Variants in CSMD1 observed in about 807,000 individuals in gnomAD.
CSMD1 encodes the protein CUB and sushi domain-containing protein 1.
In CSMD1, 213 loss-of-function variants were observed where a neutral mutation model predicts 417.5. The ratio of observed to expected loss-of-function variants is 0.51; its 90% confidence interval spans 0.46 to 0.57. The LOEUF (loss-of-function observed/expected upper bound fraction) is 0.57. CSMD1 is among the 20% of genes least tolerant of loss of function. The probability of loss-of-function intolerance (pLI) is 0.00; values close to 1 mark genes in which losing one functional copy is unlikely to be tolerated. For synonymous variants in CSMD1, 2,862 were observed against 1,736.8 expected, an observed-to-expected ratio of 1.65 and a Z score of -16.11; for missense variants, 6,923 against 4,529.7, an observed-to-expected ratio of 1.53 and a Z score of -15.17.
intron 3 of CSMD1, among the ~76,000 whole-genome samples, chr8:4,303,758 C>T (rs554758546): frequency 9.1e-4 from 138 of 152,100 alleles, no homozygotes; most frequent in Middle Eastern, 3.4e-3. Context: ...TGGTTTCAAG[C>T]GATTCTCCTG....
intron 25 of CSMD1, among the ~76,000 whole-genome samples, chr8:3,300,958 CAAA>C (rs374180480): frequency 1.4e-3 from 71 of 50,594 alleles, no homozygotes; most frequent in African/African-American, 4.5e-3. Context: ...GACTCTGTCT[CAAA>C]AAAAAAAAAA....
chr8:3,815,428 T>C (rs1190373294), intron 5 of CSMD1, among the ~76,000 whole-genome samples: 3 of 152,200 alleles, frequency 2.0e-5, no homozygotes, highest in Non-Finnish European at 4.4e-5. Context: ...ATTGATAGTA[T>C]AATACACTGA....
chr8:3,847,530 G>A (rs562233656), intron 5 of CSMD1, among the ~76,000 whole-genome samples: 1 of 152,204 alleles, frequency 6.6e-6, no homozygotes, highest in Admixed American at 6.5e-5. Context: ...TCCAGCCTAA[G>A]GTGAGATCAC....
At chr8:3,924,822 T>C (rs1809526926) in intron 5 of CSMD1, among the ~76,000 whole-genome samples, 1 of 152,206 alleles carries the variant, frequency 6.6e-6, no homozygotes, top group Non-Finnish European at 1.5e-5. Flanking sequence ...GAAGTTAAGA[T>C]GATAATTTTA....
chr8:3,505,304 G>C (rs563513488), intron 10 of CSMD1, among the ~76,000 whole-genome samples: 5 of 152,166 alleles, frequency 3.3e-5, no homozygotes, highest in Admixed American at 1.3e-4. Context: ...AAGATGTGTG[G>C]AGTGACCGCT....
chr8:3,068,379 G>C (rs562927941), intron 49 of CSMD1, among the ~76,000 whole-genome samples: 52 of 152,054 alleles, frequency 3.4e-4, no homozygotes, highest in African/African-American at 1.3e-3. Flanking sequence ...CAAGACTCAG[G>C]ACTTCTAACA....
In CSMD1 at chr8:2,937,437, C is replaced by CAAAAAAAAAAAA. The variant is rs78432209; in HGVS notation, c.*1136_*1147dup. On this transcript the variant is annotated 3_prime_UTR_variant, in exon 70 of 70. Transcript: ENST00000635120. ...CAAAGATCGATGGCACAGTAAAAGA[C>CAAAAAAAAAAAA]AAAAAAAAAAAAAAACAAAAAAAAA... 4.4e-5 allele frequency: 5 copies of CAAAAAAAAAAAA among 114,106 alleles called. No individual in the cohort carries two copies. Among genetic ancestry groups the CAAAAAAAAAAAA allele is most frequent in the African/African-American group, 1.2e-4 (3 of 24,644 alleles). 7.1% of individuals were successfully genotyped at this position (114,106 alleles called of 1,614,324 possible). A position where few individuals can be genotyped will look rare whatever the true frequency, so the allele number is the denominator to read the frequency against.
chr8:4,077,740 C>T (rs1351608738), intron 3 of CSMD1, among the ~76,000 whole-genome samples: 1 of 152,180 alleles, frequency 6.6e-6, no homozygotes, highest in African/African-American at 2.4e-5. Context: ...TCTTTATTCT[C>T]TTGTCCCAAT....
chr8:4,522,822 T>A lies in CSMD1; in HGVS notation c.303-102757A>T, dbSNP rs117048750. On this transcript the variant is annotated intron_variant, in intron 2 of 69. Coordinates refer to ENST00000635120, the MANE Select transcript of CSMD1 (RefSeq NM_033225.6). ...ACTGCAGAAATAAGAACAGTAAGAA[T>A]AGCACACACTAATAGATCCTTTTCA... 1.3e-3 allele frequency among the ~76,000 whole-genome samples: 203 copies of A among 152,272 alleles called. 5 individuals are homozygous for A. In the East Asian group the frequency reaches 0.033, roughly 25 times the overall value.
chr8:3,716,016 A>G (rs13272576), intron 6 of CSMD1, among the ~76,000 whole-genome samples: 77,252 of 151,938 alleles, frequency 0.51, 19,771 homozygotes, highest in Admixed American at 0.59. Flanking sequence ...CATCAGCTGT[A>G]ATTTCTCTGT....
chr8:2,949,639 T>G (rs1478322470), intron 67 of CSMD1, among the ~76,000 whole-genome samples: 1 of 151,358 alleles, frequency 6.6e-6, no homozygotes, highest in Non-Finnish European at 1.5e-5. Flanking sequence ...ATAGCAAATT[T>G]TACAATATAT....
rs947044903 is a variant in CSMD1, at chr8:3,849,821, G to T, written c.819-95779C>A. On this transcript the variant is annotated intron_variant, in intron 5 of 69. Coordinates refer to ENST00000635120, the MANE Select transcript of CSMD1 (RefSeq NM_033225.6). ...AGACAGAGTATATCTTTTTTTGTTT[G>T]GTTTTTGTTTTTGTGATGGAGTCTC... 9.3e-5 allele frequency among the ~76,000 whole-genome samples: 14 copies of T among 151,186 alleles called. No homozygotes were observed. The South Asian group carries it at 2.3e-3, about 25-fold the overall frequency.
intron 5 of CSMD1, among the ~76,000 whole-genome samples, chr8:3,780,295 C>T (rs944783964): frequency 6.6e-6 from 1 of 152,160 alleles, no homozygotes; most frequent in Non-Finnish European, 1.5e-5. Context: ...GCAATTAGTT[C>T]GTATTCCGCA....
rs1201551082 is a variant in CSMD1, at chr8:4,952,647, G to C, written c.85+41685C>G. Among the ~76,000 whole-genome samples the C allele has an allele frequency of 2.6e-5, 4 of 151,950 alleles. No homozygotes were observed. The East Asian group carries it at 5.8e-4, about 22-fold the overall frequency. On this transcript the variant is annotated intron_variant, in intron 1 of 69. Coordinates refer to ENST00000635120, the MANE Select transcript of CSMD1 (RefSeq NM_033225.6). ...AGTTGATATGGTGATTGTGGTAGAG[G>C]TTCAAATATGGATTTAAAAATCTAT... is the stretch of plus-strand genomic sequence containing the variant.
intron 37 of CSMD1, among the ~76,000 whole-genome samples, chr8:3,165,436 T>A (rs993423750): frequency 6.6e-5 from 10 of 151,990 alleles, no homozygotes; most frequent in East Asian, 1.9e-4. Flanking sequence ...TTATTTATTT[T>A]TTTATTTATT....
chr8:4,038,183 T>G (rs1197519663), intron 3 of CSMD1, among the ~76,000 whole-genome samples: 1 of 152,166 alleles, frequency 6.6e-6, no homozygotes, highest in Non-Finnish European at 1.5e-5. Flanking sequence ...ATTGGGGATT[T>G]TTATCTTCAA....
intron 8 of CSMD1, among the ~76,000 whole-genome samples, chr8:3,612,704 A>G (rs1325343551): frequency 6.6e-6 from 1 of 152,148 alleles, no homozygotes; most frequent in Non-Finnish European, 1.5e-5. Context: ...ATCACAAGGG[A>G]AAATAGAATG....
chr8:4,479,680 G>C (rs1250622213), intron 2 of CSMD1, among the ~76,000 whole-genome samples: 1 of 152,148 alleles, frequency 6.6e-6, no homozygotes, highest in Non-Finnish European at 1.5e-5. Flanking sequence ...TAGACCACGA[G>C]GTCAGGAGAG....
chr8:3,817,882 C>A (rs1049922565), intron 5 of CSMD1, among the ~76,000 whole-genome samples: 3 of 152,160 alleles, frequency 2.0e-5, no homozygotes, highest in Non-Finnish European at 4.4e-5. Context: ...ACACTAAGGA[C>A]ATTCTTGCTA....
Sources: allele counts gnomAD v4.1 joint callset (sites outside exome capture counted in the v4.1 genomes callset), GRCh38; gene constraint gnomAD v4.1.1; transcripts MANE v1.5; gene names NCBI Gene and HGNC (gene_info 2026-07-23, HGNC 2026-07-21).